TAT: variants seen among roughly 807,000 people sequenced by gnomAD.
TAT encodes the protein L-tyrosine:2-oxoglutarate aminotransferase.
In TAT, 35 loss-of-function variants were observed where a neutral mutation model predicts 53.6. That is an observed-to-expected ratio of 0.65 (90% CI 0.50 to 0.87). The LOEUF (loss-of-function observed/expected upper bound fraction) is 0.87, where lower values mean the gene tolerates loss of function less well. Among genes scored for constraint, TAT ranks in the 40% least tolerant of loss-of-function variants. TAT has a pLI of 0.00. For synonymous variants in TAT, 197 were observed against 206.5 expected (o/e 0.95, Z 0.39); for missense variants, 525 against 571.8 (o/e 0.92, Z 0.83).
chr16:71,568,267 A>G lies in TAT; in HGVS notation c.1242T>C (p.Asn414=), dbSNP rs141256835. Reference sequence around the variant, plus strand: ...GGACTGTGATGACCACTCGGATGAAATTCGGGTACTCAAAGCACTGCAAAA... The same window carrying G: ...GGACTGTGATGACCACTCGGATGAAGTTCGGGTACTCAAAGCACTGCAAAA... The part of the protein sequence containing the change: ...CLPATCFEYP[N]FIRVVITVPE... The change falls in exon 12 of 12, where the codon AAT becomes AAC. Residue 414 remains asparagine (N), a synonymous_variant. Coordinates refer to ENST00000355962, the MANE Select transcript of TAT (RefSeq NM_000353.3). 3.4e-4 allele frequency: 545 copies of G among 1,614,168 alleles called. 3 individuals are homozygous for G. In the African/African-American group the frequency reaches 6.2e-3, roughly 18 times the overall value.
Position 71,568,231 on chromosome 16 carries a change from C to T in TAT, c.1278G>A (p.Met426Ile). The stretch of plus-strand genomic sequence containing the variant: ...GGATCCGGCTGCACGCCTCCAGCAT[C>T]ATCACCTCGGGGACTGTGATGACCA... ...IRVVITVPEV[M>I]MLEACSRIQE... is the part of the protein sequence containing the mutation. The change falls in exon 12 of 12, where the codon ATG becomes ATA. Residue 426 changes from methionine to isoleucine, a missense_variant. Physicochemically the swap from Met to Ile is conservative, Grantham distance 10 (BLOSUM62 1). Coordinates refer to ENST00000355962, the MANE Select transcript of TAT (RefSeq NM_000353.3). 1 of 1,614,220 alleles carries T rather than the reference C, an allele frequency of 6.2e-7. No individual in the cohort carries two copies. The highest frequency in any genetic ancestry group is 8.5e-7 in the Non-Finnish European group (1 of 1,180,034).
At chr16:71,568,356 C>A in intron 11 of TAT, 72 bp from the exon 12 acceptor site, 3 of 1,492,844 alleles carry the variant, frequency 2.0e-6, no homozygotes, top group South Asian at 1.2e-5. Context: ...ATGGTCAGGA[C>A]CCTGATCCAC....
rs923190898 is a variant in TAT, at chr16:71,565,976, G to A, written c.*2168C>T. 1 of 152,156 alleles carries A rather than the reference G, an allele frequency of 6.6e-6. No homozygotes were observed. The highest frequency in any genetic ancestry group is 1.5e-5 in the Non-Finnish European group (1 of 68,026). The allele number at this position is 152,156 out of a possible 1,614,324, so 9.4% of individuals were successfully genotyped here. ...GAAGTCTAAGAATTCTGTAATGCTG[G>A]GTAGAATTTTCTGTACGTGTAAAAC... On this transcript the variant is annotated 3_prime_UTR_variant, in exon 12 of 12. Transcript: ENST00000355962.
Position 71,570,838 on chromosome 16 carries a change from A to C in TAT, c.760-7T>G. The C allele has an allele frequency of 1.2e-6, 2 of 1,613,860 alleles. No individual in the cohort carries two copies. The highest frequency in any genetic ancestry group is 1.7e-6 in the Non-Finnish European group (2 of 1,179,910). ...ATTTGCAATCCGAAAACACCTGAGA[A>C]GAGGCACTTGTTATGGTTGTTTTCT... On this transcript the variant is annotated splice_region_variant and splice_polypyrimidine_tract_variant and intron_variant, in intron 7 of 11. Coordinates refer to ENST00000355962, the MANE Select transcript of TAT (RefSeq NM_000353.3).
chr16:71,566,941 A>G lies in TAT; in HGVS notation c.*1203T>C, dbSNP rs1482780203. On this transcript the variant is annotated 3_prime_UTR_variant, in exon 12 of 12. Coordinates refer to ENST00000355962, the MANE Select transcript of TAT (RefSeq NM_000353.3). ...GATCTTATCAATATAAATGTTTCTT[A>G]GAAAATGTATGAAAAGATAATATAT... The G allele has an allele frequency of 6.6e-6, 1 of 151,976 alleles. No individual in the cohort carries two copies. The highest frequency in any genetic ancestry group is 1.5e-5 in the Non-Finnish European group (1 of 67,998). The allele number at this position is 151,976 out of a possible 1,614,324, so 9.4% of individuals were successfully genotyped here.
chr16:71,575,723 AGG>A (rs2044230249), intron 3 of TAT, 197 bp downstream of exon 3: 3 of 635,196 alleles, frequency 4.7e-6, no homozygotes, highest in Non-Finnish European at 8.4e-6. Flanking sequence ...AAAGAAAGCC[AGG>A]AAAGAAGTTG....
chr16:71,568,629 G>C, intron 11 of TAT, 82 bp downstream of exon 11: 1 of 1,046,074 alleles, frequency 9.6e-7, no homozygotes, highest in Non-Finnish European at 1.5e-6. Context: ...GAGGAGAAAA[G>C]ATCAGGCTAA....
chr16:71,569,583 C>T (rs371616714), intron 10 of TAT, among the ~76,000 whole-genome samples: 5 of 152,300 alleles, frequency 3.3e-5, no homozygotes, highest in South Asian at 2.1e-4. Context: ...TCAAGTGATC[C>T]GTCCACCTTG....
At chr16:71,575,698 AAGT>A (rs544079420) in intron 3 of TAT, 3 of 598,962 alleles carry the variant, frequency 5.0e-6, no homozygotes, top group Non-Finnish European at 8.9e-6. Context: ...CCTAGAGGGG[AAGT>A]GCCCATATGT....
rs2044160533 is a variant in TAT, at chr16:71,565,999, A to G, written c.*2145T>C. 1.3e-5 allele frequency: 2 copies of G among 152,226 alleles called. No homozygotes were observed. Among genetic ancestry groups the G allele is most frequent in the Admixed American group, 1.3e-4 (2 of 15,288 alleles). The allele number at this position is 152,226 out of a possible 1,614,324, so 9.4% of individuals were successfully genotyped here. A position where few individuals can be genotyped will look rare whatever the true frequency, so the allele number is the denominator to read the frequency against. On this transcript the variant is annotated 3_prime_UTR_variant, in exon 12 of 12. Transcript: ENST00000355962. ...TGGGTAGAATTTTCTGTACGTGTAA[A>G]ACTAAAATGTCTTTTGTAAATCACT...
chr16:71,568,436 A>G, intron 11 of TAT, 152 bp from the exon 12 acceptor site: 1 of 750,632 alleles, frequency 1.3e-6, no homozygotes. Context: ...TAAGTCAGCA[A>G]CTGAGTTCAT....
At chr16:71,573,651 A>T (rs369412706) in intron 3 of TAT, 45 bp from the exon 4 acceptor site, 1 of 1,499,096 alleles carries the variant, frequency 6.7e-7, no homozygotes, top group Non-Finnish European at 9.1e-7. Context: ...GTTTTTAGAG[A>T]CTGTGTCTCA....
chr16:71,568,471 A>G (rs1229987356), intron 11 of TAT, 187 bp from the exon 12 acceptor site: 4 of 690,120 alleles, frequency 5.8e-6, no homozygotes, highest in African/African-American at 5.3e-5. Flanking sequence ...CTTGTGGGAC[A>G]GGATCAATTT....
chr16:71,572,839 T>C, intron 4 of TAT, 151 bp from the exon 5 acceptor site: 1 of 802,040 alleles, frequency 1.2e-6, no homozygotes, highest in Non-Finnish European at 2.0e-6. Context: ...CCAAAAGAAA[T>C]TTATATATGT....
Position 71,567,997 on chromosome 16 carries a change from TG to T in TAT, c.*146del. ...ATCTGAGTGTGGGTGTGGTTGTACT[TG>T]GGGAAAAGCAGGAACAATCTTGAAC... On this transcript the variant is annotated 3_prime_UTR_variant, in exon 12 of 12. Transcript: ENST00000355962. The T allele has an allele frequency of 3.3e-6, 3 of 909,182 alleles. No homozygotes were observed. The highest frequency in any genetic ancestry group is 1.6e-5 in the African/African-American group (1 of 61,492). The allele number at this position is 909,182 out of a possible 1,614,324, so 56.3% of individuals were successfully genotyped here.
intron 3 of TAT, 153 bp downstream of exon 3, chr16:71,575,769 C>T: frequency 1.2e-6 from 1 of 841,116 alleles, no homozygotes; most frequent in Non-Finnish European, 2.0e-6. Flanking sequence ...CATCCCGAGA[C>T]CCGGTTCCCA....
At position 71,569,813 on chromosome 16, in the gene TAT, A is replaced by C. The variant is rs563143591; in HGVS notation, c.1125+41T>G. ...CTGCTGAATGACTGCCCTTTGCCTT[A>C]CAACATGCATTGACCTAGTGCCTGC... On this transcript the variant is annotated intron_variant, in intron 10 of 11. Transcript: ENST00000355962. 6.9e-6 allele frequency: 11 copies of C among 1,586,516 alleles called. No homozygotes were observed. In the African/African-American group the frequency reaches 1.5e-4, roughly 21 times the overall value.
chr16:71,576,149 A>G lies in TAT; in HGVS notation c.235+32T>C, dbSNP rs781760223. ...GTGAACATGAGAGTAGAGGAGGACA[A>G]TGACAGCCCCTCAGTAGTGTCCCCA... On this transcript the variant is annotated intron_variant, in intron 2 of 11. Transcript: ENST00000355962. The G allele has an allele frequency of 1.1e-5, 18 of 1,611,188 alleles. No homozygotes were observed. The South Asian group carries it at 1.9e-4, about 17-fold the overall frequency.
intron 10 of TAT, among the ~76,000 whole-genome samples, chr16:71,569,050 T>C (rs1157721876): frequency 1.3e-5 from 2 of 152,190 alleles, no homozygotes; most frequent in Non-Finnish European, 2.9e-5. Flanking sequence ...GGAAATAGAA[T>C]GCTAGTATGT....
Sources: gnomAD v4.1 joint callset for allele counts (sites outside exome capture counted in the v4.1 genomes callset) on GRCh38, gnomAD v4.1.1 for gene constraint, MANE v1.5 for transcripts, NCBI Gene and HGNC (gene_info 2026-07-23, HGNC 2026-07-21) for gene names.